IRX4: variants seen among roughly 807,000 people sequenced by gnomAD.
IRX4 encodes the protein iroquois-class homeodomain protein IRX-4.
IRX4 carries 22 observed loss-of-function variants against 32.0 expected under a neutral mutation model. That is an observed-to-expected ratio of 0.69 (90% CI 0.49 to 0.98). IRX4 has a LOEUF of 0.98. Ranked by LOEUF, IRX4 falls within the 50% of genes least tolerant of loss-of-function variation. IRX4 has a pLI of 0.00. For synonymous variants in IRX4, 379 were observed against 351.7 expected (o/e 1.08, Z -0.87); for missense variants, 840 against 744.2 (o/e 1.13, Z -1.50).
At chr5:1,882,134 C>G in intron 1 of IRX4, 75 bp from the exon 2 acceptor site, 1 of 1,481,144 alleles carries the variant, frequency 6.8e-7, no homozygotes, top group Non-Finnish European at 8.9e-7. Context: ...CAATCCCGCG[C>G]GCCGCCCACG....
upstream of IRX4, chr5:1,884,464 T>C (rs1466144756): frequency 2.0e-5 from 3 of 152,394 alleles, no homozygotes; most frequent in South Asian, 4.1e-4. Flanking sequence ...TGCTGCGTAA[T>C]TGCTTTAATT....
chr5:1,880,170 G>A, intron 3 of IRX4: 1 of 1,518,750 alleles, frequency 6.6e-7, no homozygotes, highest in Non-Finnish European at 8.8e-7. Flanking sequence ...GTATAGACAG[G>A]TAAGCCCACA....
chr5:1,885,539 G>A (rs1276959187), upstream of IRX4, among the ~76,000 whole-genome samples: 1 of 151,992 alleles, frequency 6.6e-6, no homozygotes, highest in Non-Finnish European at 1.5e-5. Context: ...TGGGGTCCGG[G>A]CCCAGTCACA....
chr5:1,883,511 A>T (rs1259708487), upstream of IRX4, among the ~76,000 whole-genome samples: 1 of 152,200 alleles, frequency 6.6e-6, no homozygotes, highest in South Asian at 2.1e-4. Flanking sequence ...CTGCGGCCGC[A>T]AGACAGCCCG....
At chr5:1,880,664 G>C in intron 3 of IRX4, 61 bp downstream of exon 3, 1 of 1,106,862 alleles carries the variant, frequency 9.0e-7, no homozygotes. Context: ...GAGGGGAGTT[G>C]GTGGCTGACA....
In IRX4 at chr5:1,877,825, A is replaced by T; in HGVS notation, c.*144T>A. 1 of 757,538 alleles carries T rather than the reference A, an allele frequency of 1.3e-6. No homozygotes were observed. The highest frequency in any genetic ancestry group is 2.0e-6 in the Non-Finnish European group (1 of 490,876). The allele number at this position is 757,538 out of a possible 1,614,324, so 46.9% of individuals were successfully genotyped here. ...CAGCGCCGGGCTTGTCCATGTTCCCAGGAGTCCAAGTTCAGAAGCCCCCTC... is the reference window on the plus strand; with the variant it reads ...CAGCGCCGGGCTTGTCCATGTTCCCTGGAGTCCAAGTTCAGAAGCCCCCTC... On this transcript the variant is annotated 3_prime_UTR_variant, in exon 5 of 5. Coordinates refer to ENST00000231357, the MANE Select transcript of IRX4 (RefSeq NM_016358.3).
At position 1,878,310 on chromosome 5, in the gene IRX4, A is replaced by C; in HGVS notation, c.1219T>G (p.Ser407Ala). Residue 407 changes from serine (S) to alanine (A), a missense_variant, in exon 5 of 5, where the codon TCC becomes GCC. Coordinates refer to ENST00000231357, the MANE Select transcript of IRX4 (RefSeq NM_016358.3). ...GACGGGGACGTGGCGGGCGCGGAGG[A>C]CACAGCCGCAGGGGCCGCGGGACCT... ...RQGPAAPAAV[S>A]SAPATSPSVA... 1 of 1,572,692 alleles carries C rather than the reference A, an allele frequency of 6.4e-7. No individual in the cohort carries two copies. The highest frequency in any genetic ancestry group is 1.3e-5 in the African/African-American group (1 of 74,170).
chr5:1,886,849 G>A (rs1735648319), upstream of IRX4: 2 of 152,044 alleles, frequency 1.3e-5, no homozygotes, highest in South Asian at 4.1e-4. Flanking sequence ...GTGCGGCGGA[G>A]CCCACTCCCT....
intron 3 of IRX4, chr5:1,880,213 C>T: frequency 7.9e-7 from 1 of 1,258,702 alleles, no homozygotes; most frequent in East Asian, 2.5e-5. Context: ...CAGGAAGGGT[C>T]ATTACTGCCC....
intron 1 of IRX4, 78 bp from the exon 2 acceptor site, chr5:1,882,137 C>T: frequency 1.4e-6 from 2 of 1,475,808 alleles, no homozygotes; most frequent in Non-Finnish European, 8.9e-7. Context: ...TCCCGCGCGC[C>T]GCCCACGAGG....
chr5:1,886,926 C>T (rs1735650741), upstream of IRX4: 2 of 151,684 alleles, frequency 1.3e-5, no homozygotes, highest in Admixed American at 6.6e-5. Flanking sequence ...AGCTCGCAGC[C>T]CGGGACGCAC....
Position 1,877,828 on chromosome 5 carries a change from A to T in IRX4, c.*141T>A. On this transcript the variant is annotated 3_prime_UTR_variant, in exon 5 of 5. Coordinates refer to ENST00000231357, the MANE Select transcript of IRX4 (RefSeq NM_016358.3). The stretch of plus-strand genomic sequence containing the variant: ...CGCCGGGCTTGTCCATGTTCCCAGG[A>T]GTCCAAGTTCAGAAGCCCCCTCTCC... 1.3e-6 allele frequency: 1 copy of T among 763,752 alleles called. No homozygotes were observed. Among genetic ancestry groups the T allele is most frequent in the Non-Finnish European group, 2.0e-6 (1 of 495,868 alleles). The allele number at this position is 763,752 out of a possible 1,614,324, so 47.3% of individuals were successfully genotyped here.
chr5:1,878,237 G>A lies in IRX4; in HGVS notation c.1292C>T (p.Pro431Leu), dbSNP rs771261341. ...SGALDRHQDS[P>L]VTSLRNWVDG... is the part of the protein sequence containing the mutation. ...CACCCAGTTTCTGAGACTGGTTACC[G>A]GGGAGTCCTGGTGCCTGTCCAGGGC... The change falls in exon 5 of 5, where the codon CCG becomes CTG. Residue 431 changes from proline (P) to leucine (L), a missense_variant. Pro to Leu is a moderately conservative substitution (Grantham distance 98). Coordinates refer to ENST00000231357, the MANE Select transcript of IRX4 (RefSeq NM_016358.3). The A allele has an allele frequency of 8.7e-6, 14 of 1,604,768 alleles. No homozygotes were observed. The highest frequency in any genetic ancestry group is 1.1e-5 in the South Asian group (1 of 89,256).
intron 2 of IRX4, chr5:1,881,077 G>GGGGGGGGGGGGGGGGGGGGGGCCC: frequency 3.0e-6 from 1 of 337,070 alleles, no homozygotes. Context: ...GGGCGGGGGG[G>GGGGGGGGGGGGGGGGGGGGGGCCC]AGGAGGTGCA....
chr5:1,886,049 A>T (rs1735618201), upstream of IRX4, among the ~76,000 whole-genome samples: 1 of 152,246 alleles, frequency 6.6e-6, no homozygotes, highest in African/African-American at 2.4e-5. Context: ...GCGGAGGACC[A>T]GGGCCGGAGC....
chr5:1,878,007 C>T lies in IRX4; in HGVS notation c.1522G>A (p.Ala508Thr), dbSNP rs1202844874. Residue 508 changes from alanine (A) to threonine (T), a missense_variant, in exon 5 of 5, where the codon GCC becomes ACC. Ala to Thr is a moderately conservative substitution (Grantham distance 58). Around this residue, in one of 3 missense-constraint regions of IRX4, gnomAD observed 585 missense variants for 488.0 expected, o/e 1.20. Coordinates refer to ENST00000231357, the MANE Select transcript of IRX4 (RefSeq NM_016358.3). ...GGTTTGCCGCCGGCCTTGGGCAGGG[C>T]GAGCAGCTCCCTGGCGGCGCCTGCA... ...PAAGAARELL[A>T]LPKAGGKPFC... 2.4e-5 allele frequency: 36 copies of T among 1,505,914 alleles called. No individual in the cohort carries two copies. The highest frequency in any genetic ancestry group is 3.1e-5 in the Non-Finnish European group (35 of 1,132,990). 93.3% of individuals were successfully genotyped at this position (1,505,914 alleles called of 1,614,324 possible).
At chr5:1,885,864 A>G (rs1369872153), upstream of IRX4, among the ~76,000 whole-genome samples, 1 of 152,286 alleles carries the variant, frequency 6.6e-6, no homozygotes, top group Non-Finnish European at 1.5e-5. Flanking sequence ...CTCAGGTATC[A>G]GCTGAACGCG....
Position 1,878,387 on chromosome 5 carries a change from G to A in IRX4, c.1142C>T (p.Ala381Val). 1 of 1,526,964 alleles carries A rather than the reference G, an allele frequency of 6.5e-7. No homozygotes were observed. Among genetic ancestry groups the A allele is most frequent in the Non-Finnish European group, 8.8e-7 (1 of 1,140,728 alleles). The allele number at this position is 1,526,964 out of a possible 1,614,324, so 94.6% of individuals were successfully genotyped here. The change falls in exon 5 of 5, where the codon GCC becomes GTC. Residue 381 changes from alanine (A) to valine (V), a missense_variant. Physicochemically the swap from Ala to Val is moderately conservative, Grantham distance 64. Around this residue, in one of 3 missense-constraint regions of IRX4, gnomAD observed 585 missense variants for 488.0 expected, o/e 1.20. Coordinates refer to ENST00000231357, the MANE Select transcript of IRX4 (RefSeq NM_016358.3). ...CTCAGTCTGGCTCAGGGAGGTGGCG[G>A]CGGCGGCGGCGGCGGTGGCTGTGTG... is the stretch of plus-strand genomic sequence containing the variant. ...LAHTATAAAA[A>V]ATSLSQTEFP... is the part of the protein sequence containing the mutation.
chr5:1,885,783 C>T (rs1285346397), upstream of IRX4, among the ~76,000 whole-genome samples: 3 of 152,280 alleles, frequency 2.0e-5, no homozygotes, highest in Non-Finnish European at 2.9e-5. Flanking sequence ...TTCCAAGTGC[C>T]TTCACCAAAA....
Sources: allele counts gnomAD v4.1 joint callset (sites outside exome capture counted in the v4.1 genomes callset), GRCh38; gene constraint gnomAD v4.1.1; regional missense constraint gnomAD v4.1.1; transcripts MANE v1.5; gene names NCBI Gene and HGNC (gene_info 2026-07-23, HGNC 2026-07-21).